Variants in SASH1 observed in about 807,000 individuals in gnomAD.
SASH1 encodes SAM and SH3 domain-containing protein 1.
In SASH1, 44 loss-of-function variants were observed where a neutral mutation model predicts 125.2. That is an observed-to-expected ratio of 0.35 (90% CI 0.28 to 0.45). The LOEUF (loss-of-function observed/expected upper bound fraction) is 0.45, where lower values mean the gene tolerates loss of function less well. Among genes scored for constraint, SASH1 ranks in the 20% least tolerant of loss-of-function variants. The pLI is 1.00. For missense variants in SASH1, 1,426 were observed against 1,614.5 expected (o/e 0.88, Z 2.00); for synonymous variants, 639 against 649.1 (o/e 0.98, Z 0.24).
chr6:148,194,033 A>G, the SASH1 span, among the ~76,000 whole-genome samples: 1 of 152,228 alleles, frequency 6.6e-6, no homozygotes, highest in Non-Finnish European at 1.5e-5. Flanking sequence ...AGGTGTGTAT[A>G]CATAAACATG....
At chr6:148,200,329 A>G in the SASH1 span, among the ~76,000 whole-genome samples, 3 of 152,238 alleles carry the variant, frequency 2.0e-5, no homozygotes, top group African/African-American at 7.2e-5. Context: ...TCTGTCTTGA[A>G]TATGTTAAAA....
At chr6:148,237,765 T>A in the SASH1 span, 1 of 152,232 alleles carries the variant, frequency 6.6e-6, no homozygotes, top group Non-Finnish European at 1.5e-5. Flanking sequence ...GCAAAGGGAC[T>A]GTCTAAAAAT....
At chr6:148,487,092 T>C (rs61678252) in intron 7 of SASH1, among the ~76,000 whole-genome samples, 5,789 of 118,504 alleles carry the variant, frequency 0.049, 259 homozygotes, top group African/African-American at 0.084. Context: ...CACATATATA[T>C]ACACACACAC....
intron 12 of SASH1, among the ~76,000 whole-genome samples, chr6:148,527,803 TG>T (rs1259015518): frequency 6.6e-6 from 1 of 152,212 alleles, no homozygotes; most frequent in Non-Finnish European, 1.5e-5. Flanking sequence ...TGCTTGGTGC[TG>T]GGAATACAAA....
intron 2 of SASH1, among the ~76,000 whole-genome samples, chr6:148,413,822 CTTCT>C (rs907137068): frequency 1.3e-5 from 2 of 152,054 alleles, no homozygotes; most frequent in African/African-American, 4.8e-5. Flanking sequence ...CTGCTCCCCT[CTTCT>C]TTCTATGGGG....
In SASH1 at chr6:148,495,367, C is replaced by T. The variant is rs956473325; in HGVS notation, c.729+7652C>T. 4.6e-5 allele frequency among the ~76,000 whole-genome samples: 7 copies of T among 152,150 alleles called. No individual in the cohort carries two copies. The highest frequency in any genetic ancestry group is 7.2e-5 in the African/African-American group (3 of 41,424). ...ATCCTTCTACTTGTATAACCACTGTCGTCTTTTATAGAATCTGCTATTGTG... is the reference window on the plus strand; with the variant it reads ...ATCCTTCTACTTGTATAACCACTGTTGTCTTTTATAGAATCTGCTATTGTG... On this transcript the variant is annotated intron_variant, in intron 8 of 19. Transcript: ENST00000367467. The surrounding 1 kb of genome is among the most constrained non-coding windows in gnomAD (Gnocchi z 4.0).
intron 4 of SASH1, among the ~76,000 whole-genome samples, chr6:148,465,656 C>T (rs1204372078): frequency 6.6e-6 from 1 of 152,096 alleles, no homozygotes; most frequent in African/African-American, 2.4e-5. Flanking sequence ...GTTTAACCAG[C>T]TGCAGACCCC....
chr6:148,498,232 AAC>A (rs1336113344), intron 8 of SASH1, among the ~76,000 whole-genome samples: 9 of 67,156 alleles, frequency 1.3e-4, no homozygotes, highest in African/African-American at 1.7e-4. Context: ...AAAACAAACA[AAC>A]AAAAAAAAAA....
At chr6:148,491,532 A>G (rs1583246819) in intron 8 of SASH1, among the ~76,000 whole-genome samples, 1 of 152,306 alleles carries the variant, frequency 6.6e-6, no homozygotes, top group East Asian at 1.9e-4. Flanking sequence ...GGCCTACCAA[A>G]GTACTGGGAT....
chr6:148,224,798 A>G, the SASH1 span, among the ~76,000 whole-genome samples: 2 of 152,140 alleles, frequency 1.3e-5, no homozygotes, highest in African/African-American at 4.8e-5. Context: ...TGATAGAAAA[A>G]ATTTTGCGTA....
At chr6:148,447,227 C>G (rs1776834818) in intron 4 of SASH1, among the ~76,000 whole-genome samples, 1 of 152,126 alleles carries the variant, frequency 6.6e-6, no homozygotes, top group Non-Finnish European at 1.5e-5. Context: ...TGTGGCTACA[C>G]TTGAACTATT....
chr6:148,326,229 T>C (rs1422351639), intron 1 of SASH1, among the ~76,000 whole-genome samples: 1 of 145,054 alleles, frequency 6.9e-6, no homozygotes, highest in African/African-American at 2.6e-5. Flanking sequence ...GGTTTCACCA[T>C]GCCGACAAGG....
chr6:148,408,410 T>C (rs550992687), intron 2 of SASH1, among the ~76,000 whole-genome samples: 2 of 152,286 alleles, frequency 1.3e-5, no homozygotes, highest in East Asian at 3.9e-4. Flanking sequence ...CCAGCGCATC[T>C]TTTCATATAC....
the SASH1 span, among the ~76,000 whole-genome samples, chr6:148,194,704 G>A: frequency 5.9e-5 from 9 of 152,296 alleles, no homozygotes; most frequent in East Asian, 1.4e-3. Flanking sequence ...TCAGGAGATC[G>A]AGACCATCCT....
At chr6:148,409,022 C>T (rs779591508) in intron 2 of SASH1, among the ~76,000 whole-genome samples, 1 of 152,244 alleles carries the variant, frequency 6.6e-6, no homozygotes, top group Non-Finnish European at 1.5e-5. Context: ...CCACCCTGCT[C>T]TAATGCCGCT....
intron 1 of SASH1, among the ~76,000 whole-genome samples, chr6:148,349,938 C>G (rs962286230): frequency 6.6e-6 from 1 of 151,824 alleles, no homozygotes; most frequent in Non-Finnish European, 1.5e-5. Flanking sequence ...CTCCTCCTCC[C>G]GGGTTCATGT....
At position 148,471,411 on chromosome 6, in the gene SASH1, T is replaced by A. The variant is rs1778108017; in HGVS notation, c.428-6T>A. The A allele has an allele frequency of 1.6e-6, 2 of 1,224,406 alleles. No homozygotes were observed. The highest frequency in any genetic ancestry group is 2.2e-6 in the Non-Finnish European group (2 of 891,518). 75.8% of individuals were successfully genotyped at this position (1,224,406 alleles called of 1,614,324 possible). The stretch of plus-strand genomic sequence containing the variant: ...CTTTTTTTTTTTTTTTTTTTTTTTT[T>A]TTAAGGAAAAGGAGACTGGAAGAAG... On this transcript the variant is annotated splice_region_variant and splice_polypyrimidine_tract_variant and intron_variant, in intron 5 of 19. Transcript: ENST00000367467.
intron 1 of SASH1, among the ~76,000 whole-genome samples, chr6:148,376,029 G>A (rs1272612659): frequency 6.6e-6 from 1 of 152,040 alleles, no homozygotes; most frequent in Non-Finnish European, 1.5e-5. Context: ...GGATTGCATG[G>A]CATTTTTCCA....
At chr6:148,375,004 G>GT (rs918546407) in intron 1 of SASH1, among the ~76,000 whole-genome samples, 13 of 151,476 alleles carry the variant, frequency 8.6e-5, no homozygotes, top group African/African-American at 2.4e-4. Context: ...GCCTTTTTTT[G>GT]TTTTTTGAGA....
Sources: allele counts gnomAD v4.1 joint callset (sites outside exome capture counted in the v4.1 genomes callset), GRCh38; gene constraint gnomAD v4.1.1; non-coding constraint Gnocchi (gnomAD v3.1); transcripts MANE v1.5; gene names NCBI Gene and HGNC (gene_info 2026-07-23, HGNC 2026-07-21).